The following MAP2K3 variants were observed in gnomAD, a reference collection of about 807,000 sequenced individuals.
MAP2K3 encodes mitogen-activated protein kinase kinase 3.
MAP2K3 carries 30 observed loss-of-function variants against 46.4 expected under a neutral mutation model. That is an observed-to-expected ratio of 0.65 (90% CI 0.48 to 0.88). The LOEUF is 0.88. Among genes scored for constraint, MAP2K3 ranks in the 40% least tolerant of loss-of-function variants. The pLI is 0.00. For missense variants in MAP2K3, 380 were observed against 464.5 expected, an observed-to-expected ratio of 0.82 and a Z score of 1.67; for synonymous variants, 189 against 176.3, an observed-to-expected ratio of 1.07 and a Z score of -0.57.
rs753929902 is a variant in MAP2K3, at chr17:21,302,268, C to A, written c.516+9C>A. 1 of 613,064 alleles carries A rather than the reference C, an allele frequency of 1.6e-6. No individual in the cohort carries two copies. Among genetic ancestry groups the A allele is most frequent in the Admixed American group, 2.0e-5 (1 of 49,882 alleles). 38.0% of individuals were successfully genotyped at this position (613,064 alleles called of 1,614,324 possible). A position where few individuals can be genotyped will look rare whatever the true frequency, so the allele number is the denominator to read the frequency against. On this transcript the variant is annotated intron_variant, in intron 6 of 11. Coordinates refer to ENST00000342679, the MANE Select transcript of MAP2K3 (RefSeq NM_145109.3). Reference sequence around the variant, plus strand: ...GGGAGATTGCTGTGTCTGTGAGTGGCCTGGGTGGGCTGGCGGGGGGTCCTA... The same window carrying A: ...GGGAGATTGCTGTGTCTGTGAGTGGACTGGGTGGGCTGGCGGGGGGTCCTA...
At chr17:21,309,749 G>C (rs1977075524) in intron 9 of MAP2K3, among the ~76,000 whole-genome samples, 1 of 151,556 alleles carries the variant, frequency 6.6e-6, no homozygotes, top group Non-Finnish European at 1.5e-5. Context: ...GAGTAGCTGG[G>C]ACTACAGGCG....
At chr17:21,298,328 G>A (rs746502153) in intron 1 of MAP2K3, 85 bp from the exon 2 acceptor site, 14 of 1,582,658 alleles carry the variant, frequency 8.8e-6, no homozygotes, top group Non-Finnish European at 1.2e-5. Flanking sequence ...GCACCCTTGT[G>A]GGCCAGGGCC....
At chr17:21,298,286 G>A in intron 1 of MAP2K3, 127 bp from the exon 2 acceptor site, 1 of 1,370,004 alleles carries the variant, frequency 7.3e-7, no homozygotes, top group Non-Finnish European at 1.0e-6. Context: ...TTGGAGAGAG[G>A]GGGCTCCCGG....
intron 1 of MAP2K3, among the ~76,000 whole-genome samples, chr17:21,286,390 A>T (rs560246782): frequency 4.1e-4 from 63 of 152,354 alleles, no homozygotes; most frequent in African/African-American, 1.4e-3. Context: ...TGGGAGCCCT[A>T]TGTGGGCCTG....
At chr17:21,288,708 C>A (rs530181233) in intron 1 of MAP2K3, among the ~76,000 whole-genome samples, 1 of 152,238 alleles carries the variant, frequency 6.6e-6, no homozygotes, top group African/African-American at 2.4e-5. Flanking sequence ...GAATGGGGAC[C>A]CTGCTTGTCT....
At chr17:21,307,321 A>G (rs1221188630) in intron 9 of MAP2K3, among the ~76,000 whole-genome samples, 902 of 152,112 alleles carry the variant, frequency 5.9e-3, no homozygotes, top group African/African-American at 0.021. Flanking sequence ...GCTCCATGCC[A>G]GGAACAAAGA....
chr17:21,290,538 G>A (rs1379006971), intron 1 of MAP2K3, among the ~76,000 whole-genome samples: 1 of 152,310 alleles, frequency 6.6e-6, no homozygotes, highest in Non-Finnish European at 1.5e-5. Flanking sequence ...TGCTGTTGAG[G>A]GTGAATGAGA....
At chr17:21,312,643 A>G (rs72838571) in intron 10 of MAP2K3, among the ~76,000 whole-genome samples, 7 of 152,214 alleles carry the variant, frequency 4.6e-5, no homozygotes, top group South Asian at 4.1e-4. Context: ...GAGGCTGGGC[A>G]CGGTGGCTCA....
In MAP2K3 at chr17:21,314,751, C is replaced by G. The variant is rs1977326957; in HGVS notation, c.*521C>G. The stretch of plus-strand genomic sequence containing the variant: ...CCCCAAGACTCCCATGAGGGAGATG[C>G]CATGAGCCGCCCAAGGCCTTCCCCT... On this transcript the variant is annotated 3_prime_UTR_variant, in exon 12 of 12. Coordinates refer to ENST00000342679, the MANE Select transcript of MAP2K3 (RefSeq NM_145109.3). 2 of 154,676 alleles carry G rather than the reference C, an allele frequency of 1.3e-5. No homozygotes were observed. Among genetic ancestry groups the G allele is most frequent in the African/African-American group, 4.8e-5 (2 of 41,520 alleles). The allele number at this position is 154,676 out of a possible 1,614,324, so 9.6% of individuals were successfully genotyped here.
At chr17:21,312,708 A>C (rs1046899365) in intron 10 of MAP2K3, among the ~76,000 whole-genome samples, 3 of 152,114 alleles carry the variant, frequency 2.0e-5, no homozygotes, top group African/African-American at 7.2e-5. Context: ...CGAGGTCAGG[A>C]GTTTGAGACC....
Position 21,284,754 on chromosome 17 carries a change from A to AGTC in MAP2K3, c.-165_-163dup. The AGTC allele has an allele frequency of 1.6e-6, 1 of 640,404 alleles. No individual in the cohort carries two copies. Among genetic ancestry groups the AGTC allele is most frequent in the Admixed American group, 4.3e-5 (1 of 23,284 alleles). 39.7% of individuals were successfully genotyped at this position (640,404 alleles called of 1,614,324 possible). On this transcript the variant is annotated 5_prime_UTR_variant, in exon 1 of 12. Transcript: ENST00000342679. ...CCCGTCGCGGACTCGTCCTTGCTGC[A>AGTC]GTCGCCGCCGCAGTCCTCGCCGCAG...
intron 1 of MAP2K3, among the ~76,000 whole-genome samples, chr17:21,292,103 C>T (rs1318368092): frequency 2.6e-5 from 4 of 152,312 alleles, no homozygotes; most frequent in African/African-American, 7.2e-5. Context: ...TCCTGGGGCC[C>T]CTGGTGTCAG....
intron 1 of MAP2K3, among the ~76,000 whole-genome samples, chr17:21,294,738 T>C (rs1452142340): frequency 6.6e-6 from 1 of 152,310 alleles, no homozygotes; most frequent in East Asian, 1.9e-4. Context: ...TTGGGAGCTG[T>C]GCACTTCCAG....
intron 1 of MAP2K3, among the ~76,000 whole-genome samples, chr17:21,286,197 G>T (rs1975718389): frequency 6.6e-6 from 1 of 152,242 alleles, no homozygotes; most frequent in Non-Finnish European, 1.5e-5. Context: ...GCGCAGAGCC[G>T]GTGCTCACCA....
At chr17:21,285,283 C>T in intron 1 of MAP2K3, 1 of 985,330 alleles carries the variant, frequency 1.0e-6, no homozygotes, top group Non-Finnish European at 1.2e-6. Context: ...ATGGCTGCAG[C>T]CTGGACATGA....
intron 1 of MAP2K3, among the ~76,000 whole-genome samples, chr17:21,286,183 C>G (rs978999526): frequency 3.9e-5 from 6 of 152,218 alleles, no homozygotes; most frequent in African/African-American, 1.2e-4. Flanking sequence ...CAGCGTAGCA[C>G]CTGGCGCAGA....
At chr17:21,295,438 C>A (rs1251020494) in intron 1 of MAP2K3, among the ~76,000 whole-genome samples, 5 of 152,424 alleles carry the variant, frequency 3.3e-5, no homozygotes, top group African/African-American at 9.6e-5. Flanking sequence ...GCGGGCTTAT[C>A]GTGGGTTGCC....
intron 1 of MAP2K3, chr17:21,296,044 A>G (rs912242713): frequency 6.2e-6 from 8 of 1,288,102 alleles, no homozygotes; most frequent in Non-Finnish European, 7.1e-6. Flanking sequence ...AGCTACCTAT[A>G]ATTCTCATTA....
At chr17:21,288,550 G>T (rs940557747) in intron 1 of MAP2K3, among the ~76,000 whole-genome samples, 16 of 152,222 alleles carry the variant, frequency 1.1e-4, no homozygotes, top group Non-Finnish European at 1.9e-4. Flanking sequence ...TGACTGCCTG[G>T]GTCCAAACCC....
Sources: allele counts gnomAD v4.1 joint callset (sites outside exome capture counted in the v4.1 genomes callset), GRCh38; gene constraint gnomAD v4.1.1; transcripts MANE v1.5; gene names NCBI Gene and HGNC (gene_info 2026-07-23, HGNC 2026-07-21).